Variants in SNX30 observed in about 807,000 individuals in gnomAD.
The protein encoded by SNX30 is sorting nexin family member 30, also known as sorting nexin-30.
SNX30 carries 24 observed loss-of-function variants against 46.4 expected under a neutral mutation model. That is an observed-to-expected ratio of 0.52 (90% CI 0.37 to 0.73). SNX30 has a LOEUF of 0.73. SNX30 is among the 30% of genes least tolerant of loss of function. The pLI, the probability that SNX30 is intolerant of heterozygous loss-of-function variation, is 0.00. For synonymous variants in SNX30, 189 were observed against 211.5 expected (o/e 0.89, Z 0.92); for missense variants, 533 against 555.7 (o/e 0.96, Z 0.41).
intron 1 of SNX30, among the ~76,000 whole-genome samples, chr9:112,775,919 T>C (rs570653858): frequency 6.6e-6 from 1 of 152,184 alleles, no homozygotes; most frequent in East Asian, 1.9e-4. Flanking sequence ...CTCAACACTC[T>C]TCCTTCATTT....
intron 6 of SNX30, among the ~76,000 whole-genome samples, chr9:112,848,431 C>G (rs937277461): frequency 6.6e-6 from 1 of 152,036 alleles, no homozygotes; most frequent in African/African-American, 2.4e-5. Context: ...AACACGTTGC[C>G]CAACCTTCAG....
intron 1 of SNX30, among the ~76,000 whole-genome samples, chr9:112,774,132 G>C (rs1398238677): frequency 6.6e-6 from 1 of 152,274 alleles, no homozygotes; most frequent in East Asian, 1.9e-4. Flanking sequence ...ACTGTGCTAG[G>C]TGCTGCTAGC....
At position 112,751,207 on chromosome 9, in the gene SNX30, G is replaced by C. The variant is rs762952801; in HGVS notation, c.156+50G>C. 1.3e-5 allele frequency: 17 copies of C among 1,357,194 alleles called. No individual in the cohort carries two copies. In the African/African-American group the frequency reaches 1.8e-4, roughly 14 times the overall value. 84.1% of individuals were successfully genotyped at this position (1,357,194 alleles called of 1,614,324 possible). A position where few individuals can be genotyped will look rare whatever the true frequency, so the allele number is the denominator to read the frequency against. ...GGGAGGCTTATTTCGCTCCCCGTGG[G>C]GGGGATGATGGATCCGGAGCCTTCG... On this transcript the variant is annotated intron_variant, in intron 1 of 8. Coordinates refer to ENST00000374232, the MANE Select transcript of SNX30 (RefSeq NM_001012994.2).
chr9:112,751,060 T>G lies in SNX30; in HGVS notation c.59T>G (p.Met20Arg). The G allele has an allele frequency of 6.7e-7, 1 of 1,495,858 alleles. No individual in the cohort carries two copies. The highest frequency in any genetic ancestry group is 2.8e-5 in the East Asian group (1 of 36,156). 92.7% of individuals were successfully genotyped at this position (1,495,858 alleles called of 1,614,324 possible). The change falls in exon 1 of 9, where the codon ATG (methionine) becomes AGG (arginine). Residue 20 changes from methionine to arginine, a missense_variant. Physicochemically the swap from Met to Arg is moderately conservative, Grantham distance 91 (BLOSUM62 -1). Coordinates refer to ENST00000374232, the MANE Select transcript of SNX30 (RefSeq NM_001012994.2). ...ACGGGGCCCCACTCCCTGCGCGACATGCCGCACCCGCTGGCCGGCTCCAGC... is the reference window on the plus strand; with the variant it reads ...ACGGGGCCCCACTCCCTGCGCGACAGGCCGCACCCGCTGGCCGGCTCCAGC... ...PSTGPHSLRD[M>R]PHPLAGSSSE... is the part of the protein sequence containing the mutation.
chr9:112,793,803 TG>T lies in SNX30; in HGVS notation c.157-10972del, dbSNP rs374594528. 1.9e-3 allele frequency among the ~76,000 whole-genome samples: 280 copies of T among 145,594 alleles called. 3 individuals carry two copies. The highest frequency in any genetic ancestry group is 4.9e-3 in the African/African-American group (188 of 38,132). Reference sequence around the variant, plus strand: ...TGTTCTTTTTACCTCCACTGTTTTTTGTTTTTTTTTTTTTCTTTCATTCTCT... The same window carrying T: ...TGTTCTTTTTACCTCCACTGTTTTTTTTTTTTTTTTTTTCTTTCATTCTCT... On this transcript the variant is annotated intron_variant, in intron 1 of 8. Transcript: ENST00000374232.
At position 112,836,262 on chromosome 9, in the gene SNX30, G is replaced by A. The variant is rs201835479; in HGVS notation, c.667G>A (p.Gly223Ser). Reference sequence around the variant, plus strand: ...AGGGATAGCATTGCTGACCAGAATGGGCGAGTCAGTCAAGCACGTCACTGG... The same window carrying A: ...AGGGATAGCATTGCTGACCAGAATGAGCGAGTCAGTCAAGCACGTCACTGG... Reference protein sequence around the residue: ...KQGIALLTRMGESVKHVTGGY... With the variant: ...KQGIALLTRMSESVKHVTGGY... Residue 223 changes from glycine (G) to serine (S), a missense_variant, in exon 5 of 9, where the codon GGC becomes AGC. Around this residue, in one of 3 missense-constraint regions of SNX30, gnomAD observed 261 missense variants for 270.9 expected, o/e 0.96. Transcript: ENST00000374232. The A allele has an allele frequency of 5.0e-6, 8 of 1,611,682 alleles. No individual in the cohort carries two copies. The highest frequency in any genetic ancestry group is 6.8e-6 in the Non-Finnish European group (8 of 1,178,012).
rs1232840912 is a variant in SNX30 at position 112,873,386 on chromosome 9, C to T, written c.*4543C>T. Reference sequence around the variant, plus strand: ...CTACTTTTTTGAGAATTTGTCCGTACCTACTAATATGCCTTATTCTTCTTC... The same window carrying T: ...CTACTTTTTTGAGAATTTGTCCGTATCTACTAATATGCCTTATTCTTCTTC... On this transcript the variant is annotated 3_prime_UTR_variant, in exon 9 of 9. Transcript: ENST00000374232. 1 of 152,174 alleles carries T rather than the reference C, an allele frequency of 6.6e-6. No homozygotes were observed. Among genetic ancestry groups the T allele is most frequent in the Non-Finnish European group, 1.5e-5 (1 of 68,028 alleles). 9.4% of individuals were successfully genotyped at this position (152,174 alleles called of 1,614,324 possible).
intron 1 of SNX30, among the ~76,000 whole-genome samples, chr9:112,785,911 C>T (rs932123096): frequency 2.0e-5 from 3 of 152,180 alleles, no homozygotes; most frequent in African/African-American, 7.2e-5. Flanking sequence ...TATCAGCACC[C>T]TTTTCAACAA....
downstream of SNX30, among the ~76,000 whole-genome samples, chr9:112,883,975 A>G (rs1242411175): frequency 6.6e-6 from 1 of 152,202 alleles, no homozygotes; most frequent in Non-Finnish European, 1.5e-5. Context: ...GATTACAGGC[A>G]TGAGCCATCG....
Position 112,873,294 on chromosome 9 carries a change from A to G in SNX30, c.*4451A>G, listed in dbSNP as rs1414493879. Reference sequence around the variant, plus strand: ...TGTCTCCTATATAAACATTCTGTGTATTTAGCACTTGAAAATCAACAAATC... The same window carrying G: ...TGTCTCCTATATAAACATTCTGTGTGTTTAGCACTTGAAAATCAACAAATC... On this transcript the variant is annotated 3_prime_UTR_variant, in exon 9 of 9. Transcript: ENST00000374232. 6.6e-6 allele frequency: 1 copy of G among 152,242 alleles called. No homozygotes were observed. Among genetic ancestry groups the G allele is most frequent in the Non-Finnish European group, 1.5e-5 (1 of 68,040 alleles). The allele number at this position is 152,242 out of a possible 1,614,324, so 9.4% of individuals were successfully genotyped here.
intron 7 of SNX30, among the ~76,000 whole-genome samples, chr9:112,861,055 T>C (rs2131500447): frequency 6.6e-6 from 1 of 152,280 alleles, no homozygotes; most frequent in East Asian, 1.9e-4. Flanking sequence ...AACAGGCAGA[T>C]CAGCAGGAAG....
intron 1 of SNX30, 100 bp downstream of exon 1, chr9:112,751,257 G>T (rs1564255845): frequency 8.0e-7 from 1 of 1,253,802 alleles, no homozygotes; most frequent in Non-Finnish European, 1.0e-6. Context: ...CGCCCACCCT[G>T]CCGCCCCTTC....
intron 1 of SNX30, among the ~76,000 whole-genome samples, chr9:112,782,123 A>G (rs887568240): frequency 1.3e-5 from 2 of 151,744 alleles, no homozygotes; most frequent in South Asian, 2.1e-4. Context: ...CTGGAGTGCA[A>G]TGGTGCAACC....
chr9:112,836,811 T>C (rs1302587880), intron 5 of SNX30, among the ~76,000 whole-genome samples: 2 of 152,198 alleles, frequency 1.3e-5, no homozygotes, highest in Admixed American at 1.3e-4. Flanking sequence ...TGGAGACCTG[T>C]GTTTGCCAAA....
intron 2 of SNX30, among the ~76,000 whole-genome samples, chr9:112,815,942 C>T (rs1840389907): frequency 6.6e-6 from 1 of 152,158 alleles, no homozygotes; most frequent in South Asian, 2.1e-4. Context: ...CTCCTGGGCT[C>T]AGACAATCCT....
chr9:112,798,107 G>GT (rs58014041), intron 1 of SNX30, among the ~76,000 whole-genome samples: 55 of 81,080 alleles, frequency 6.8e-4, no homozygotes, highest in African/African-American at 1.8e-3. Flanking sequence ...GTTGAGGTTT[G>GT]TTTTTTTTTT....
intron 4 of SNX30, 119 bp downstream of exon 4, chr9:112,831,002 ATGT>A: frequency 2.8e-6 from 3 of 1,056,718 alleles, no homozygotes; most frequent in African/African-American, 1.6e-5. Flanking sequence ...GCCGAGTGTG[ATGT>A]TGTGCGCCTG....
At chr9:112,834,966 G>A (rs1445321237) in intron 4 of SNX30, among the ~76,000 whole-genome samples, 1 of 151,838 alleles carries the variant, frequency 6.6e-6, no homozygotes, top group Non-Finnish European at 1.5e-5. Flanking sequence ...TTCACGAGGT[G>A]CCTACACTCA....
At chr9:112,755,544 A>G (rs937169519) in intron 1 of SNX30, among the ~76,000 whole-genome samples, 1 of 152,052 alleles carries the variant, frequency 6.6e-6, no homozygotes, top group Admixed American at 6.6e-5. Context: ...GGAGGGGGGC[A>G]TAGTTTGATT....
Sources: gnomAD v4.1 joint callset for allele counts (sites outside exome capture counted in the v4.1 genomes callset) on GRCh38, gnomAD v4.1.1 for gene constraint, gnomAD v4.1.1 regional missense constraint, MANE v1.5 for transcripts, NCBI Gene and HGNC (gene_info 2026-07-23, HGNC 2026-07-21) for gene names.